Variants in CDH4 observed in about 807,000 individuals in gnomAD.
CDH4 encodes cadherin-4.
In CDH4, 33 loss-of-function variants were observed where a neutral mutation model predicts 86.0. The observed-to-expected ratio is 0.38, with a 90% CI of 0.29 to 0.51. The LOEUF (loss-of-function observed/expected upper bound fraction) is 0.51, where lower values mean the gene tolerates loss of function less well. CDH4 is among the 20% of genes least tolerant of loss of function. The probability of loss-of-function intolerance (pLI) is 0.86; values close to 1 mark genes in which losing one functional copy is unlikely to be tolerated. For missense variants in CDH4, 1,114 were observed against 1,307.4 expected, an observed-to-expected ratio of 0.85 and a Z score of 2.28; for synonymous variants, 555 against 549.4, an observed-to-expected ratio of 1.01 and a Z score of -0.14.
chr20:61,392,880 A>C lies in CDH4; in HGVS notation c.169+137943A>C, dbSNP rs975880375. Among the ~76,000 whole-genome samples, 8 of 148,454 alleles carry C rather than the reference A, an allele frequency of 5.4e-5. No individual in the cohort carries two copies. The highest frequency in any genetic ancestry group is 1.2e-4 in the Non-Finnish European group (8 of 67,728). On this transcript the variant is annotated intron_variant, in intron 2 of 15. Coordinates refer to ENST00000614565, the MANE Select transcript of CDH4 (RefSeq NM_001794.5). This position sits in a 1 kb window ranked among gnomAD's most constrained non-coding sequence, Gnocchi z 5.7. ...CACCATCCCCTGTGTCACTGCACTA[A>C]GTAAAGCCAGTGGATTGACATAAAG...
intron 4 of CDH4, among the ~76,000 whole-genome samples, chr20:61,805,459 C>T (rs1432542736): frequency 1.3e-5 from 2 of 152,212 alleles, no homozygotes; most frequent in Non-Finnish European, 2.9e-5. Context: ...GGGTCAGGGC[C>T]ACCTTTCCGG....
chr20:61,457,716 G>T (rs1433669755), intron 2 of CDH4, among the ~76,000 whole-genome samples: 8 of 151,892 alleles, frequency 5.3e-5, no homozygotes, highest in Non-Finnish European at 1.2e-4. Context: ...TTATGATGGT[G>T]ATGGCAGTGC....
chr20:61,677,887 AT>A (rs1308161097), intron 2 of CDH4, among the ~76,000 whole-genome samples: 15 of 150,282 alleles, frequency 1.0e-4, no homozygotes, highest in Non-Finnish European at 1.8e-4. Flanking sequence ...TAGATGATGG[AT>A]GATGGATGAT....
chr20:61,655,046 T>A (rs960197529), intron 2 of CDH4, among the ~76,000 whole-genome samples: 1 of 152,254 alleles, frequency 6.6e-6, no homozygotes, highest in Non-Finnish European at 1.5e-5. Context: ...AATTTCAGTG[T>A]CTTCATCTGA....
intron 2 of CDH4, among the ~76,000 whole-genome samples, chr20:61,534,661 C>CTTTTTTTTTTTTTTTTTTTTTTTTTT (rs2085981647): frequency 1.1e-5 from 1 of 89,304 alleles, no homozygotes; most frequent in African/African-American, 7.6e-5. Flanking sequence ...TTCTTTCTTT[C>CTTTTTTTTTTTTTTTTTTTTTTTTTT]TTTCTTTTTT....
intron 2 of CDH4, among the ~76,000 whole-genome samples, chr20:61,341,269 G>A (rs1350538758): frequency 1.3e-5 from 2 of 152,208 alleles, no homozygotes; most frequent in Non-Finnish European, 2.9e-5. Flanking sequence ...GACAGAAGGG[G>A]AATAAGTGCT....
rs553099184 is a variant in CDH4 at position 61,269,083 on chromosome 20, G to GTTA, written c.169+14147_169+14149dup. On this transcript the variant is annotated intron_variant, in intron 2 of 15. Transcript: ENST00000614565. This position sits in a 1 kb window ranked among gnomAD's most constrained non-coding sequence, Gnocchi z 5.3. ...CCTGGGGCTCGGCCCCACTTGAGGG[G>GTTA]TTAACAGCACCACTGTCTGTTGTTC... Among the ~76,000 whole-genome samples, 20 of 152,312 alleles carry GTTA rather than the reference G, an allele frequency of 1.3e-4. No homozygotes were observed. Among genetic ancestry groups the GTTA allele is most frequent in the African/African-American group, 4.8e-4 (20 of 41,564 alleles).
intron 2 of CDH4, among the ~76,000 whole-genome samples, chr20:61,714,843 C>T (rs144949196): frequency 5.3e-4 from 81 of 152,296 alleles, no homozygotes; most frequent in African/African-American, 1.8e-3. Context: ...CATGTCTTTG[C>T]AATTGTGAAT....
chr20:61,493,692 T>G (rs1239013034), intron 2 of CDH4, among the ~76,000 whole-genome samples: 2 of 152,188 alleles, frequency 1.3e-5, no homozygotes, highest in African/African-American at 4.8e-5. Flanking sequence ...TCTGGTTTAG[T>G]CTTCCTTCCT....
At chr20:61,649,924 T>C (rs541718052) in intron 2 of CDH4, among the ~76,000 whole-genome samples, 45 of 152,274 alleles carry the variant, frequency 3.0e-4, no homozygotes, top group Middle Eastern at 6.8e-3. Flanking sequence ...GCTCCAGGCA[T>C]TGTGGCCTGG....
chr20:61,729,780 G>A (rs2088156785), intron 2 of CDH4, among the ~76,000 whole-genome samples: 2 of 152,210 alleles, frequency 1.3e-5, no homozygotes, highest in South Asian at 4.2e-4. Context: ...GAGATGCAGT[G>A]TCCATGAGGA....
chr20:61,809,737 G>A (rs2146044254), intron 4 of CDH4, among the ~76,000 whole-genome samples: 1 of 152,330 alleles, frequency 6.6e-6, no homozygotes, highest in East Asian at 1.9e-4. Context: ...CCAGGGCGGT[G>A]TTTTTCATTG....
At position 61,565,267 on chromosome 20, in the gene CDH4, T is replaced by TGGC. The variant is rs1555809159; in HGVS notation, c.170-178294_170-178293insCGG. On this transcript the variant is annotated intron_variant, in intron 2 of 15. Transcript: ENST00000614565. ...GCGGTGCTCTTGGTGATGGTGGTGGTGGTCCTCTTGGTGATGGGGTGATGG... is the reference window on the plus strand; with the variant it reads ...GCGGTGCTCTTGGTGATGGTGGTGGTGGCGGTCCTCTTGGTGATGGGGTGATGG... 3.6e-4 allele frequency among the ~76,000 whole-genome samples: 38 copies of TGGC among 106,084 alleles called. 5 individuals are homozygous for TGGC. The highest frequency in any genetic ancestry group is 1.9e-3 in the Admixed American group (20 of 10,440). 69.6% of individuals were successfully genotyped at this position (106,084 alleles called of 152,430 possible). A position where few individuals can be genotyped will look rare whatever the true frequency, so the allele number is the denominator to read the frequency against.
At chr20:61,733,671 G>C (rs1450594877) in intron 2 of CDH4, among the ~76,000 whole-genome samples, 1 of 151,768 alleles carries the variant, frequency 6.6e-6, no homozygotes. Context: ...GAAGGACACA[G>C]AGAAAGAGAG....
intron 2 of CDH4, among the ~76,000 whole-genome samples, chr20:61,359,660 C>T (rs888572196): frequency 1.3e-5 from 2 of 152,228 alleles, no homozygotes; most frequent in Non-Finnish European, 2.9e-5. Flanking sequence ...CCACATCCTC[C>T]CTTTTTCAGC....
chr20:61,283,994 A>C (rs2084279285), intron 2 of CDH4, among the ~76,000 whole-genome samples: 2 of 152,084 alleles, frequency 1.3e-5, no homozygotes, highest in Admixed American at 6.6e-5. Context: ...ATTAGTGGAG[A>C]GGCTGAGCAC....
At chr20:61,375,867 C>T (rs2084866561) in intron 2 of CDH4, among the ~76,000 whole-genome samples, 1 of 138,792 alleles carries the variant, frequency 7.2e-6, no homozygotes, top group African/African-American at 2.8e-5. Context: ...GTGTGATGCT[C>T]TTGGTGCTGG....
At chr20:61,686,140 G>T (rs2087570849) in intron 2 of CDH4, among the ~76,000 whole-genome samples, 1 of 152,194 alleles carries the variant, frequency 6.6e-6, no homozygotes, top group African/African-American at 2.4e-5. Context: ...AGAGAATGAG[G>T]ATCTTGCCAG....
At chr20:61,881,795 C>T (rs932572082) in intron 7 of CDH4, among the ~76,000 whole-genome samples, 3 of 152,210 alleles carry the variant, frequency 2.0e-5, no homozygotes, top group East Asian at 1.9e-4. Context: ...TGGGTTTAAT[C>T]GTGGTCCCCA....
Sources: allele counts gnomAD v4.1 joint callset (sites outside exome capture counted in the v4.1 genomes callset), GRCh38; gene constraint gnomAD v4.1.1; non-coding constraint Gnocchi (gnomAD v3.1); transcripts MANE v1.5; gene names NCBI Gene and HGNC (gene_info 2026-07-23, HGNC 2026-07-21).